TEX9: variants seen among roughly 807,000 people sequenced by gnomAD.
TEX9 encodes the protein testis expressed 9.
TEX9 carries 74 observed loss-of-function variants against 59.6 expected under a neutral mutation model. The observed-to-expected ratio is 1.24, with a 90% CI of 1.03 to 1.51. The LOEUF is 1.51. TEX9 is among the 40% of genes most tolerant of loss of function. The pLI, the probability that TEX9 is intolerant of heterozygous loss-of-function variation, is 0.00. For synonymous variants in TEX9, 186 were observed against 152.2 expected, an observed-to-expected ratio of 1.22 and a Z score of -1.64; for missense variants, 522 against 447.8, an observed-to-expected ratio of 1.17 and a Z score of -1.49.
chr15:56,308,357 A>G (rs529560718), intron 1 of TEX9, among the ~76,000 whole-genome samples: 1 of 152,174 alleles, frequency 6.6e-6, no homozygotes, highest in East Asian at 1.9e-4. Context: ...CTTATTGACT[A>G]TTTGTCTTTA....
Position 56,427,596 on chromosome 15 carries a change from C to G in TEX9, c.964-9C>G. 6.7e-7 allele frequency: 1 copy of G among 1,487,116 alleles called. No individual in the cohort carries two copies. The highest frequency in any genetic ancestry group is 9.0e-7 in the Non-Finnish European group (1 of 1,116,504). 92.1% of individuals were successfully genotyped at this position (1,487,116 alleles called of 1,614,324 possible). On this transcript the variant is annotated splice_polypyrimidine_tract_variant and intron_variant, in intron 10 of 12. Transcript: ENST00000352903. ...TAAAAATATATGGCACTTTTTTTTC[C>G]TTGTGTAGGACATAGCAAATGAAGA...
At chr15:56,271,500 T>C (rs1167133774) in intron 1 of TEX9, among the ~76,000 whole-genome samples, 1 of 152,128 alleles carries the variant, frequency 6.6e-6, no homozygotes, top group Non-Finnish European at 1.5e-5. Context: ...GGTTTCATCA[T>C]GTTGGTCAGG....
chr15:56,394,874 A>G (rs1323256980), intron 9 of TEX9, 40 bp downstream of exon 9: 3 of 1,570,638 alleles, frequency 1.9e-6, no homozygotes, highest in East Asian at 4.5e-5. Flanking sequence ...TGCCACAGAT[A>G]CAAGAAAATT....
chr15:56,282,998 A>G (rs1463851908), intron 1 of TEX9, among the ~76,000 whole-genome samples: 1 of 152,018 alleles, frequency 6.6e-6, no homozygotes, highest in Admixed American at 6.6e-5. Flanking sequence ...TTGTGAAAAT[A>G]GAGGGGGAGA....
At chr15:56,447,497 A>G (rs1208469024), downstream of TEX9, 1 of 152,026 alleles carries the variant, frequency 6.6e-6, no homozygotes, top group Non-Finnish European at 1.5e-5. Context: ...TTATTTTGGT[A>G]GTTTTATACT....
chr15:56,250,529 G>A (rs1203415700), intron 1 of TEX9, among the ~76,000 whole-genome samples: 1 of 152,188 alleles, frequency 6.6e-6, no homozygotes, highest in Admixed American at 6.5e-5. Flanking sequence ...ACCAAATTCC[G>A]AGTGTATTCA....
At chr15:56,376,127 C>T (rs1179036548) in intron 3 of TEX9, among the ~76,000 whole-genome samples, 3 of 149,196 alleles carry the variant, frequency 2.0e-5, no homozygotes, top group African/African-American at 4.9e-5. Flanking sequence ...TGCTAAATGA[C>T]GAGTTAATGG....
chr15:56,312,911 T>G (rs1477465279), intron 1 of TEX9, among the ~76,000 whole-genome samples: 2 of 124,770 alleles, frequency 1.6e-5, no homozygotes, highest in African/African-American at 6.3e-5. Context: ...GAAGCAATTG[T>G]GAATGGGAGT....
Position 56,325,611 on chromosome 15 carries a change from C to A in TEX9, c.-106-47830C>A, listed in dbSNP as rs372938136. Among the ~76,000 whole-genome samples, 16 of 152,068 alleles carry A rather than the reference C, an allele frequency of 1.1e-4. 1 individual carries two copies. The highest frequency in any genetic ancestry group is 7.7e-4 in the East Asian group (4 of 5,190). On this transcript the variant is annotated intron_variant, in intron 1 of 5. Coordinates refer to the TEX9 transcript ENST00000560827. ...ACATTGGCTCTTCCTGTCTCTGCAC[C>A]CTCTCATAATGTAAGGTAAAGATAT...
chr15:56,369,760 T>TA (rs1186290730), intron 2 of TEX9, among the ~76,000 whole-genome samples: 12 of 152,242 alleles, frequency 7.9e-5, no homozygotes, highest in South Asian at 2.1e-4. Context: ...ATGTATTTAT[T>TA]ATTTGTTGGC....
At chr15:56,442,843 AT>A (rs1159519159) in intron 12 of TEX9, among the ~76,000 whole-genome samples, 1 of 151,940 alleles carries the variant, frequency 6.6e-6, no homozygotes, top group Admixed American at 6.6e-5. Flanking sequence ...TGACCCACAA[AT>A]TTACCCCTGT....
At chr15:56,394,536 A>C (rs556430827) in intron 8 of TEX9, 125 bp from the exon 9 acceptor site, 31 of 751,350 alleles carry the variant, frequency 4.1e-5, no homozygotes, top group Non-Finnish European at 4.2e-6. Context: ...ATAAAAATAG[A>C]CTAATTTGTT....
rs1045870440 is a variant in TEX9 at position 56,318,040 on chromosome 15, T to C, written c.-106-55401T>C. 3.9e-5 allele frequency among the ~76,000 whole-genome samples: 6 copies of C among 152,272 alleles called. No individual in the cohort carries two copies. In the East Asian group the frequency reaches 5.8e-4, roughly 15 times the overall value. ...TTCAAATCTTCTGCTTTCTTGTTTA[T>C]AGTCTATTGGTTCTATCCATTATTG... On this transcript the variant is annotated intron_variant, in intron 1 of 5. Coordinates refer to the TEX9 transcript ENST00000560827.
chr15:56,388,393 C>G (rs1357858586), intron 4 of TEX9, 79 bp from the exon 5 acceptor site: 2 of 1,136,560 alleles, frequency 1.8e-6, no homozygotes, highest in African/African-American at 3.1e-5. Flanking sequence ...TTTTCCCTTT[C>G]AAATATAATT....
chr15:56,360,629 A>T (rs2046772655), upstream of TEX9, among the ~76,000 whole-genome samples: 1 of 152,150 alleles, frequency 6.6e-6, no homozygotes, highest in Non-Finnish European at 1.5e-5. Context: ...AGACATCTTT[A>T]AAAAATCCTT....
chr15:56,319,300 C>CA (rs2045849939), intron 1 of TEX9, among the ~76,000 whole-genome samples: 1 of 151,148 alleles, frequency 6.6e-6, no homozygotes, highest in Non-Finnish European at 1.5e-5. Flanking sequence ...GTTCAGATAT[C>CA]AAAGGAGGGG....
At chr15:56,451,896 C>T in the TEX9 span, among the ~76,000 whole-genome samples, 4 of 152,056 alleles carry the variant, frequency 2.6e-5, no homozygotes, top group Admixed American at 1.3e-4. Context: ...TTATTACTTA[C>T]GTCTAGTTTA....
chr15:56,265,366 T>A lies in TEX9; in HGVS notation c.-107+21088T>A, dbSNP rs1047146368. ...TTTTTTATTTTTTGTAGAGACAGGG[T>A]CTCCTCCTCTTGCCCAGGCTGGTCT... On this transcript the variant is annotated intron_variant, in intron 1 of 5. Transcript: ENST00000560827. Among the ~76,000 whole-genome samples the A allele has an allele frequency of 2.0e-5, 3 of 151,644 alleles. No homozygotes were observed. The East Asian group carries it at 5.8e-4, about 29-fold the overall frequency.
intron 3 of TEX9, among the ~76,000 whole-genome samples, chr15:56,382,575 G>A (rs2047778363): frequency 6.6e-6 from 1 of 152,128 alleles, no homozygotes; most frequent in Admixed American, 6.5e-5. Flanking sequence ...TATTTAGCAG[G>A]TGATGAATGC....
Sources: allele counts gnomAD v4.1 joint callset (sites outside exome capture counted in the v4.1 genomes callset), GRCh38; gene constraint gnomAD v4.1.1; transcripts MANE v1.5; gene names NCBI Gene and HGNC (gene_info 2026-07-23, HGNC 2026-07-21).